Variants in HSDL1 observed in about 807,000 individuals in gnomAD.
The protein encoded by HSDL1 is inactive hydroxysteroid dehydrogenase-like protein 1.
A neutral mutation model predicts 31.5 loss-of-function variants in HSDL1; 29 were observed. The observed-to-expected ratio is 0.92, with a 90% CI of 0.69 to 1.26. HSDL1 has a LOEUF of 1.26. Ranked by LOEUF, HSDL1 falls within the 50% of genes most tolerant of loss-of-function variation. The probability of loss-of-function intolerance (pLI) is 0.00; values close to 1 mark genes in which losing one functional copy is unlikely to be tolerated. For missense variants in HSDL1, 503 were observed against 416.6 expected (o/e 1.21, Z -1.81); for synonymous variants, 222 against 155.2 (o/e 1.43, Z -3.20).
At chr16:84,134,316 T>C (rs2086693456) in intron 2 of HSDL1, among the ~76,000 whole-genome samples, 1 of 152,140 alleles carries the variant, frequency 6.6e-6, no homozygotes, top group African/African-American at 2.4e-5. Flanking sequence ...TAATATCCTA[T>C]AAGAACATTA....
intron 2 of HSDL1, among the ~76,000 whole-genome samples, chr16:84,134,608 T>C (rs553858063): frequency 6.6e-6 from 1 of 152,042 alleles, no homozygotes; most frequent in South Asian, 2.1e-4. Context: ...TTAGACTCCA[T>C]CTCAAGAAAA....
In HSDL1 at chr16:84,143,950, G is replaced by C. The variant is rs144809982; in HGVS notation, c.-69+1130C>G. ...CCCGGGGTGCGGGATGGCGGGCAGA[G>C]GTAGCAGGAGCTGAGATCGCAGGCA... On this transcript the variant is annotated intron_variant, in intron 1 of 5. Coordinates refer to ENST00000219439, the MANE Select transcript of HSDL1 (RefSeq NM_031463.5). 4.3e-3 allele frequency among the ~76,000 whole-genome samples: 658 copies of C among 152,198 alleles called. 2 individuals are homozygous for C. The highest frequency in any genetic ancestry group is 0.015 in the African/African-American group (626 of 41,514).
chr16:84,134,391 G>T (rs567633914), intron 2 of HSDL1, among the ~76,000 whole-genome samples: 80 of 152,248 alleles, frequency 5.3e-4, no homozygotes, highest in East Asian at 3.9e-4. Context: ...GGGAGGCCGA[G>T]GTGGGCAGAT....
At chr16:84,127,209 C>CTTTTTTT (rs71148881) in intron 5 of HSDL1, among the ~76,000 whole-genome samples, 61 of 93,394 alleles carry the variant, frequency 6.5e-4, no homozygotes, top group South Asian at 7.9e-4. Flanking sequence ...ACTGTTTCTT[C>CTTTTTTT]TTTTTTTTTT....
Position 84,130,432 on chromosome 16 carries a change from C to T in HSDL1, c.221-1G>A, listed in dbSNP as rs1421246813. On this transcript the variant is annotated splice_acceptor_variant, in intron 3 of 5. Coordinates refer to ENST00000219439, the MANE Select transcript of HSDL1 (RefSeq NM_031463.5). LOFTEE classifies it high-confidence loss of function. ...GCTTTTCCAATCCCATCTGTTGCAC[C>T]TAGGATGCAAGTCAGGAAAAGTGAG... 5 of 1,601,110 alleles carry T rather than the reference C, an allele frequency of 3.1e-6. No individual in the cohort carries two copies. The highest frequency in any genetic ancestry group is 1.7e-5 in the Admixed American group (1 of 58,778).
At chr16:84,129,312 G>A (rs189495361) in intron 5 of HSDL1, among the ~76,000 whole-genome samples, 41 of 152,032 alleles carry the variant, frequency 2.7e-4, no homozygotes, top group Middle Eastern at 3.4e-3. Context: ...CCCGGGAGGC[G>A]GAGCTTGCAG....
intron 1 of HSDL1, among the ~76,000 whole-genome samples, chr16:84,142,028 A>G (rs1458363726): frequency 3.3e-5 from 5 of 152,154 alleles, no homozygotes; most frequent in Non-Finnish European, 5.9e-5. Flanking sequence ...TCCGGGCTCA[A>G]GCCATCCTCC....
At chr16:84,130,826 C>A in intron 3 of HSDL1, 1 of 412,922 alleles carries the variant, frequency 2.4e-6, no homozygotes, top group Non-Finnish European at 4.3e-6. Flanking sequence ...AATTTTAAAA[C>A]AGAGAACAAA....
At chr16:84,131,806 A>C (rs1380728494) in intron 2 of HSDL1, among the ~76,000 whole-genome samples, 2 of 151,916 alleles carry the variant, frequency 1.3e-5, no homozygotes, top group East Asian at 3.9e-4. Flanking sequence ...CAGCCTCCGG[A>C]GTAGCTGGGA....
intron 5 of HSDL1, among the ~76,000 whole-genome samples, chr16:84,127,209 C>CTTTTTTTT (rs71148881): frequency 2.7e-4 from 25 of 93,398 alleles, no homozygotes; most frequent in Non-Finnish European, 3.6e-4. Context: ...ACTGTTTCTT[C>CTTTTTTTT]TTTTTTTTTT....
At chr16:84,139,930 A>T (rs1403374664) in intron 1 of HSDL1, among the ~76,000 whole-genome samples, 1 of 152,138 alleles carries the variant, frequency 6.6e-6, no homozygotes, top group East Asian at 1.9e-4. Context: ...TCAGAGTGTG[A>T]ATCTGTCTTG....
chr16:84,142,923 T>G (rs957563007), intron 1 of HSDL1, among the ~76,000 whole-genome samples: 8 of 152,234 alleles, frequency 5.3e-5, no homozygotes, highest in African/African-American at 1.9e-4. Context: ...TTTTGGGATG[T>G]CTTTACCTTC....
intron 1 of HSDL1, 137 bp from the exon 2 acceptor site, chr16:84,135,742 G>C (rs1194219830): frequency 6.6e-6 from 1 of 152,284 alleles, no homozygotes; most frequent in African/African-American, 2.4e-5. Flanking sequence ...AATCTCTGTA[G>C]AGGCAGCAAA....
chr16:84,138,749 A>T (rs1391448752), intron 1 of HSDL1, among the ~76,000 whole-genome samples: 1 of 152,230 alleles, frequency 6.6e-6, no homozygotes, highest in Non-Finnish European at 1.5e-5. Context: ...GCAAGTCCCT[A>T]TTATCTTTTA....
In HSDL1 at chr16:84,128,289, CA is replaced by C. The variant is rs201158980; in HGVS notation, c.894+1258del. On this transcript the variant is annotated intron_variant, in intron 5 of 5. Transcript: ENST00000219439. ...GGGCAACAAGAGCGGAATTCCATCT[CA>C]AAAAAAAAAAAATTCTAAACTAGGG... Among the ~76,000 whole-genome samples the C allele has an allele frequency of 2.7e-3, 376 of 137,886 alleles. 1 individual carries two copies. The highest frequency in any genetic ancestry group is 5.8e-3 in the African/African-American group (221 of 37,832). The allele number at this position is 137,886 out of a possible 152,430, so 90.5% of individuals were successfully genotyped here. A position where few individuals can be genotyped will look rare whatever the true frequency, so the allele number is the denominator to read the frequency against.
At chr16:84,144,671 G>A (rs527429970) in intron 1 of HSDL1, among the ~76,000 whole-genome samples, 154 of 152,200 alleles carry the variant, frequency 1.0e-3, no homozygotes, top group Admixed American at 2.1e-3. Context: ...GCTCGGGGGA[G>A]GAGCCGGGTG....
Position 84,131,410 on chromosome 16 carries a change from G to C in HSDL1, c.-6-83C>G, listed in dbSNP as rs185293519. 12 of 919,962 alleles carry C rather than the reference G, an allele frequency of 1.3e-5. No individual in the cohort carries two copies. The African/African-American group carries it at 1.8e-4, about 14-fold the overall frequency. The allele number at this position is 919,962 out of a possible 1,614,324, so 57.0% of individuals were successfully genotyped here. A position where few individuals can be genotyped will look rare whatever the true frequency, so the allele number is the denominator to read the frequency against. On this transcript the variant is annotated intron_variant, in intron 2 of 5. Coordinates refer to ENST00000219439, the MANE Select transcript of HSDL1 (RefSeq NM_031463.5). Reference sequence around the variant, plus strand: ...ACAGTCTGAGTGAAGACATCCAGCTGAGGGCATCAGATCTTGTCAATTGTA... The same window carrying C: ...ACAGTCTGAGTGAAGACATCCAGCTCAGGGCATCAGATCTTGTCAATTGTA...
chr16:84,137,630 A>G (rs1467878801), intron 1 of HSDL1, among the ~76,000 whole-genome samples: 1 of 152,032 alleles, frequency 6.6e-6, no homozygotes, highest in African/African-American at 2.4e-5. Context: ...TCACACATTC[A>G]CTCACACCCT....
In HSDL1 at chr16:84,122,247, A is replaced by G. The variant is rs1332988823; in HGVS notation, c.*2383T>C. 6.6e-6 allele frequency: 1 copy of G among 152,506 alleles called. No individual in the cohort carries two copies. The highest frequency in any genetic ancestry group is 6.5e-5 in the Admixed American group (1 of 15,280). 9.4% of individuals were successfully genotyped at this position (152,506 alleles called of 1,614,324 possible). On this transcript the variant is annotated 3_prime_UTR_variant, in exon 6 of 6. Transcript: ENST00000219439. ...AAAAATTCTCTCATTCCAAATTACA[A>G]ACAACCAAATTACAAACATCTGGAA...
Sources: gnomAD v4.1 joint callset for allele counts (sites outside exome capture counted in the v4.1 genomes callset) on GRCh38, gnomAD v4.1.1 for gene constraint, MANE v1.5 for transcripts, NCBI Gene and HGNC (gene_info 2026-07-23, HGNC 2026-07-21) for gene names.